FOLH1: variants seen among roughly 807,000 people sequenced by gnomAD.
FOLH1 encodes glutamate carboxypeptidase 2.
Under a neutral mutation model 93.9 loss-of-function variants are expected in FOLH1, and 54 were observed. The ratio of observed to expected loss-of-function variants is 0.57; its 90% CI spans 0.46 to 0.72. FOLH1 has a LOEUF of 0.72. Among genes scored for constraint, FOLH1 ranks in the 30% least tolerant of loss-of-function variants. The probability of loss-of-function intolerance (pLI) is 0.00; values close to 1 mark genes in which losing one functional copy is unlikely to be tolerated. For synonymous variants in FOLH1, 249 were observed against 303.6 expected, an observed-to-expected ratio of 0.82 and a Z score of 1.87; for missense variants, 571 against 892.5, an observed-to-expected ratio of 0.64 and a Z score of 4.59.
chr11:49,149,866 A>G (rs1163040964), intron 17 of FOLH1, among the ~76,000 whole-genome samples: 2 of 152,208 alleles, frequency 1.3e-5, no homozygotes, highest in Non-Finnish European at 2.9e-5. Context: ...AAAAGATTTA[A>G]TTTGGCAAAA....
intron 4 of FOLH1, among the ~76,000 whole-genome samples, chr11:49,192,227 A>G (rs575123193): frequency 1.6e-4 from 24 of 152,278 alleles, no homozygotes; most frequent in Admixed American, 1.4e-3. Context: ...TTTGGTATAC[A>G]TAAGTCATGA....
chr11:49,206,601 G>A (rs1418111363), intron 1 of FOLH1, among the ~76,000 whole-genome samples: 1 of 152,166 alleles, frequency 6.6e-6, no homozygotes, highest in Non-Finnish European at 1.5e-5. Context: ...TTTTTATAAC[G>A]AATTAATTAT....
At chr11:49,162,695 T>G (rs1295915277) in intron 13 of FOLH1, 1 of 152,278 alleles carries the variant, frequency 6.6e-6, no homozygotes, top group African/African-American at 2.4e-5. Flanking sequence ...TTTTCAATGT[T>G]CTTGTACTGA....
rs372877502 is a variant in FOLH1 at position 49,181,017 on chromosome 11, G to A, written c.920+2132C>T. 6.6e-4 allele frequency among the ~76,000 whole-genome samples: 101 copies of A among 151,992 alleles called. 2 individuals carry two copies. The East Asian group carries it at 0.017, about 25-fold the overall frequency. ...TTGACCTAGTAAACCAGACCAAATCGTAGACGTCTAAATAAATCTCACATC... is the reference window on the plus strand; with the variant it reads ...TTGACCTAGTAAACCAGACCAAATCATAGACGTCTAAATAAATCTCACATC... On this transcript the variant is annotated intron_variant, in intron 7 of 18. Coordinates refer to ENST00000256999, the MANE Select transcript of FOLH1 (RefSeq NM_004476.3).
At chr11:49,179,536 T>C (rs767100747) in intron 7 of FOLH1, among the ~76,000 whole-genome samples, 4 of 152,118 alleles carry the variant, frequency 2.6e-5, no homozygotes, top group African/African-American at 7.2e-5. Context: ...GCAAATACAA[T>C]TTAAAAATGC....
intron 12 of FOLH1, 147 bp downstream of exon 12, chr11:49,169,048 G>C: frequency 1.3e-6 from 1 of 796,162 alleles, no homozygotes; most frequent in Non-Finnish European, 2.0e-6. Context: ...CTCAACTAGG[G>C]TTCATACACT....
At chr11:49,184,167 T>G (rs1459153528) in intron 6 of FOLH1, among the ~76,000 whole-genome samples, 6 of 152,180 alleles carry the variant, frequency 3.9e-5, no homozygotes, top group Non-Finnish European at 7.4e-5. Context: ...AATGATATGC[T>G]GTGTGGGATT....
rs555723500 is a variant in FOLH1 at position 49,200,473 on chromosome 11, T to G, written c.225-32A>C. The G allele has an allele frequency of 2.0e-5, 32 of 1,604,596 alleles. No individual in the cohort carries two copies. The East Asian group carries it at 6.5e-4, about 33-fold the overall frequency. ...AACAAAAATTGAAAGTGGTTAGATATTAATGTTTAATCAACTTTTATTCCA... is the reference window on the plus strand; with the variant it reads ...AACAAAAATTGAAAGTGGTTAGATAGTAATGTTTAATCAACTTTTATTCCA... On this transcript the variant is annotated intron_variant, in intron 2 of 18. Coordinates refer to ENST00000256999, the MANE Select transcript of FOLH1 (RefSeq NM_004476.3).
chr11:49,160,698 TC>T (rs1322941168), intron 13 of FOLH1, among the ~76,000 whole-genome samples: 1 of 152,204 alleles, frequency 6.6e-6, no homozygotes, highest in Non-Finnish European at 1.5e-5. Context: ...CTCCTCGGCC[TC>T]CCAAAGTGCT....
chr11:49,181,463 A>C (rs1351538259), intron 7 of FOLH1, among the ~76,000 whole-genome samples: 1 of 151,954 alleles, frequency 6.6e-6, no homozygotes, highest in Non-Finnish European at 1.5e-5. Context: ...TATAGTTTTG[A>C]AATTTGCTTT....
intron 12 of FOLH1, among the ~76,000 whole-genome samples, chr11:49,167,681 G>A (rs1858577560): frequency 6.6e-6 from 1 of 151,992 alleles, no homozygotes; most frequent in South Asian, 2.1e-4. Context: ...TGGATGTCTA[G>A]CGTTTGCCTG....
chr11:49,181,994 T>A (rs1860795705), intron 7 of FOLH1, among the ~76,000 whole-genome samples: 1 of 152,076 alleles, frequency 6.6e-6, no homozygotes, highest in African/African-American at 2.4e-5. Context: ...TTGGTCTCTA[T>A]CAATTTCACT....
rs146117345 is a variant in FOLH1 at position 49,150,203 on chromosome 11, T to C, written c.1971-1472A>G. Among the ~76,000 whole-genome samples, 903 of 152,332 alleles carry C rather than the reference T, an allele frequency of 5.9e-3. 13 individuals carry two copies. Among genetic ancestry groups the C allele is most frequent in the African/African-American group, 0.021 (864 of 41,580 alleles). ...AAAAAAATTCGTAAATAAGTGGACC[T>C]GTGCAGTTCAAATCACTGTTGTTCA... is the stretch of plus-strand genomic sequence containing the variant. On this transcript the variant is annotated intron_variant, in intron 17 of 18. Transcript: ENST00000256999.
At chr11:49,198,468 C>T (rs994839265) in intron 3 of FOLH1, among the ~76,000 whole-genome samples, 1 of 147,742 alleles carries the variant, frequency 6.8e-6, no homozygotes, top group African/African-American at 2.6e-5. Context: ...GGCGACAAAG[C>T]GAGACTCCGT....
intron 15 of FOLH1, among the ~76,000 whole-genome samples, chr11:49,155,795 C>CATATGTAT (rs1856942781): frequency 1.9e-5 from 1 of 52,130 alleles, no homozygotes; most frequent in Non-Finnish European, 4.6e-5. Context: ...AAATGAAAAC[C>CATATGTAT]ATATATATAT....
At chr11:49,153,995 C>A in intron 16 of FOLH1, 68 bp from the exon 17 acceptor site, 2 of 1,383,060 alleles carry the variant, frequency 1.4e-6, no homozygotes, top group South Asian at 1.4e-5. Context: ...CTCTATAGTT[C>A]AAGAAAAGGA....
chr11:49,183,117 A>C (rs778030923), intron 7 of FOLH1, 32 bp downstream of exon 7: 1 of 1,553,800 alleles, frequency 6.4e-7, no homozygotes, highest in African/African-American at 1.4e-5. Context: ...AAAATTACCC[A>C]AATAGCCATC....
intron 5 of FOLH1, chr11:49,186,058 AT>A: frequency 2.5e-6 from 2 of 815,980 alleles, no homozygotes; most frequent in East Asian, 3.5e-5. Flanking sequence ...AGAACATCAG[AT>A]TTAGAAATGT....
chr11:49,198,345 C>A (rs571683056), intron 3 of FOLH1, among the ~76,000 whole-genome samples: 14 of 152,008 alleles, frequency 9.2e-5, no homozygotes, highest in Admixed American at 4.6e-4. Flanking sequence ...AGCCGGGCGT[C>A]GTGGCGGGAG....
Sources: gnomAD v4.1 joint callset for allele counts (sites outside exome capture counted in the v4.1 genomes callset) on GRCh38, gnomAD v4.1.1 for gene constraint, MANE v1.5 for transcripts, NCBI Gene and HGNC (gene_info 2026-07-23, HGNC 2026-07-21) for gene names.